The following PDE1C variants were observed in gnomAD, a reference collection of about 807,000 sequenced individuals.
The protein encoded by PDE1C is phosphodiesterase 1C.
PDE1C carries 62 observed loss-of-function variants against 93.1 expected under a neutral mutation model. The ratio of observed to expected loss-of-function variants is 0.67; its 90% CI spans 0.54 to 0.82. The LOEUF (loss-of-function observed/expected upper bound fraction) is 0.82, where lower values mean the gene tolerates loss of function less well. PDE1C is among the 40% of genes least tolerant of loss of function. The pLI, the probability that PDE1C is intolerant of heterozygous loss-of-function variation, is 0.00. For missense variants in PDE1C, 742 were observed against 884.6 expected (o/e 0.84, Z 2.04); for synonymous variants, 325 against 310.1 (o/e 1.05, Z -0.50).
intron 1 of PDE1C, among the ~76,000 whole-genome samples, chr7:32,067,472 T>A (rs1315243728): frequency 6.6e-6 from 1 of 152,108 alleles, no homozygotes; most frequent in Non-Finnish European, 1.5e-5. Flanking sequence ...TGGGTACGGG[T>A]TGGAATGTAT....
intron 1 of PDE1C, among the ~76,000 whole-genome samples, chr7:32,387,667 C>G (rs1215197928): frequency 7.2e-6 from 1 of 139,214 alleles, no homozygotes; most frequent in Non-Finnish European, 1.6e-5. Context: ...GGGCGGCTGG[C>G]CGGGCGGGGG....
intron 1 of PDE1C, among the ~76,000 whole-genome samples, chr7:32,297,996 TC>T (rs774660235): frequency 0.29 from 7,802 of 26,894 alleles, 1,411 homozygotes; most frequent in Middle Eastern, 0.5. Flanking sequence ...TCTCTCTCTC[TC>T]CTCTCTCTCT....
At chr7:31,746,674 T>C (rs1554317721), downstream of PDE1C, among the ~76,000 whole-genome samples, 1 of 152,182 alleles carries the variant, frequency 6.6e-6, no homozygotes, top group Non-Finnish European at 1.5e-5. Context: ...GGAAACCAGT[T>C]TTAAACATGA....
At chr7:31,734,166 GGT>G in the PDE1C span, among the ~76,000 whole-genome samples, 2 of 152,102 alleles carry the variant, frequency 1.3e-5, no homozygotes, top group Non-Finnish European at 2.9e-5. Context: ...GGCACCGTAT[GGT>G]GTGATGCCGA....
chr7:32,272,387 G>T (rs986097753), intron 1 of PDE1C, among the ~76,000 whole-genome samples: 2 of 152,134 alleles, frequency 1.3e-5, no homozygotes, highest in Admixed American at 1.3e-4. Flanking sequence ...GTCCCACAAG[G>T]GAATTTCAGA....
At chr7:31,795,064 A>C (rs1785113635) in intron 16 of PDE1C, among the ~76,000 whole-genome samples, 1 of 151,972 alleles carries the variant, frequency 6.6e-6, no homozygotes, top group African/African-American at 2.4e-5. Flanking sequence ...GGTCACTTGG[A>C]GAGCAGGATG....
At chr7:31,870,977 AT>A (rs1333137509) in intron 6 of PDE1C, among the ~76,000 whole-genome samples, 1 of 151,362 alleles carries the variant, frequency 6.6e-6, no homozygotes, top group Admixed American at 6.6e-5. Flanking sequence ...CTAATAGTAT[AT>A]TTTTATACTA....
At chr7:32,166,460 C>T (rs1483263829) in intron 3 of PDE1C, among the ~76,000 whole-genome samples, 1 of 152,130 alleles carries the variant, frequency 6.6e-6, no homozygotes, top group Non-Finnish European at 1.5e-5. Flanking sequence ...TGGAAGCATG[C>T]TCCCAAGACT....
chr7:31,655,453 A>T, the PDE1C span, among the ~76,000 whole-genome samples: 1 of 152,222 alleles, frequency 6.6e-6, no homozygotes. Flanking sequence ...GGCCTCTGCC[A>T]GGTTGGGCTC....
intron 3 of PDE1C, among the ~76,000 whole-genome samples, chr7:32,120,161 A>T (rs1023030500): frequency 2.0e-5 from 3 of 152,174 alleles, no homozygotes; most frequent in African/African-American, 7.2e-5. Flanking sequence ...ACCCTGACTC[A>T]TCCTTCCTCA....
At chr7:32,425,925 A>G (rs1785520664) in intron 1 of PDE1C, among the ~76,000 whole-genome samples, 1 of 152,146 alleles carries the variant, frequency 6.6e-6, no homozygotes, top group Admixed American at 6.5e-5. Flanking sequence ...TCTGGATGAC[A>G]GAGCAAGACC....
chr7:32,088,143 C>T (rs1410010030), intron 3 of PDE1C, among the ~76,000 whole-genome samples: 1 of 151,904 alleles, frequency 6.6e-6, no homozygotes, highest in African/African-American at 2.4e-5. Context: ...ATTACTGTCT[C>T]GCACTGGAAA....
chr7:31,982,131 G>A (rs376670011), intron 2 of PDE1C, among the ~76,000 whole-genome samples: 50 of 152,352 alleles, frequency 3.3e-4, no homozygotes, highest in African/African-American at 1.2e-3. Context: ...ATGTGGGCAT[G>A]AAATGTCTCC....
chr7:31,934,241 T>A (rs563250928), intron 2 of PDE1C, among the ~76,000 whole-genome samples: 5 of 152,288 alleles, frequency 3.3e-5, no homozygotes, highest in Admixed American at 1.3e-4. Context: ...AAAGAGATGC[T>A]ATATTTGATG....
At chr7:32,414,516 C>T (rs1785233901) in intron 1 of PDE1C, among the ~76,000 whole-genome samples, 1 of 152,234 alleles carries the variant, frequency 6.6e-6, no homozygotes, top group Non-Finnish European at 1.5e-5. Context: ...CTTTATTCCA[C>T]ATTATTTGAC....
the PDE1C span, among the ~76,000 whole-genome samples, chr7:31,735,505 G>A: frequency 6.6e-6 from 1 of 152,082 alleles, no homozygotes. Flanking sequence ...CATACAGAAG[G>A]CATCTATCCG....
chr7:31,749,038 C>T (rs1451109247), downstream of PDE1C, among the ~76,000 whole-genome samples: 1 of 152,176 alleles, frequency 6.6e-6, no homozygotes, highest in African/African-American at 2.4e-5. Context: ...TCAACCATCT[C>T]TACCTTCTCC....
intron 7 of PDE1C, among the ~76,000 whole-genome samples, chr7:31,863,641 G>GA (rs779157259): frequency 2.6e-5 from 4 of 152,068 alleles, no homozygotes; most frequent in Non-Finnish European, 5.9e-5. Context: ...AGGAAGAACT[G>GA]AAAAAATGAT....
downstream of PDE1C, among the ~76,000 whole-genome samples, chr7:31,750,622 A>C (rs950269227): frequency 6.6e-6 from 1 of 152,266 alleles, no homozygotes; most frequent in Non-Finnish European, 1.5e-5. Context: ...TAAAGTTTAG[A>C]GATATTATGC....
Sources: allele counts gnomAD v4.1 joint callset (sites outside exome capture counted in the v4.1 genomes callset), GRCh38; gene constraint gnomAD v4.1.1; transcripts MANE v1.5; gene names NCBI Gene and HGNC (gene_info 2026-07-23, HGNC 2026-07-21).